TMEM132D: variants seen among roughly 807,000 people sequenced by gnomAD.
TMEM132D encodes transmembrane protein 132D.
TMEM132D carries 21 observed loss-of-function variants against 62.3 expected under a neutral mutation model. The ratio of observed to expected loss-of-function variants is 0.34; its 90% CI spans 0.24 to 0.49. TMEM132D has a LOEUF of 0.49. TMEM132D is among the 20% of genes least tolerant of loss of function. TMEM132D has a pLI of 0.99. For synonymous variants in TMEM132D, 621 were observed against 575.6 expected (o/e 1.08, Z -1.13); for missense variants, 1,346 against 1,402.8 (o/e 0.96, Z 0.65).
intron 1 of TMEM132D, among the ~76,000 whole-genome samples, chr12:129,751,462 G>A (rs1869998380): frequency 6.6e-6 from 1 of 152,148 alleles, no homozygotes; most frequent in African/African-American, 2.4e-5. Context: ...AGATTTGGGT[G>A]GGGACACACA....
intron 4 of TMEM132D, among the ~76,000 whole-genome samples, chr12:129,280,202 T>C (rs1026341906): frequency 1.3e-5 from 2 of 152,184 alleles, no homozygotes; most frequent in Non-Finnish European, 2.9e-5. Context: ...ACAGGAGAGA[T>C]AGAAACCATG....
intron 3 of TMEM132D, among the ~76,000 whole-genome samples, chr12:129,417,434 A>G (rs1476352758): frequency 6.6e-6 from 1 of 152,220 alleles, no homozygotes; most frequent in East Asian, 1.9e-4. Context: ...AATCTGACAA[A>G]AACAAGCAAT....
chr12:129,788,776 C>A (rs1164595734), intron 1 of TMEM132D, among the ~76,000 whole-genome samples: 1 of 152,122 alleles, frequency 6.6e-6, no homozygotes, highest in Admixed American at 6.5e-5. Flanking sequence ...GGAGTCAAGA[C>A]TCTTTCTGAG....
chr12:129,493,816 C>T (rs942953536), intron 3 of TMEM132D, among the ~76,000 whole-genome samples: 4 of 152,212 alleles, frequency 2.6e-5, no homozygotes, highest in African/African-American at 9.6e-5. Context: ...TTCTTCACAA[C>T]CACCCTGCTC....
At chr12:129,874,762 C>T (rs184450810) in intron 1 of TMEM132D, among the ~76,000 whole-genome samples, 6 of 136,220 alleles carry the variant, frequency 4.4e-5, no homozygotes, top group Admixed American at 3.3e-4. Flanking sequence ...AGTGCAATGG[C>T]GCAATCTCGG....
At chr12:129,134,937 G>A (rs533066562) in intron 5 of TMEM132D, among the ~76,000 whole-genome samples, 68 of 152,326 alleles carry the variant, frequency 4.5e-4, no homozygotes, top group African/African-American at 1.6e-3. Flanking sequence ...CTGGTCTAAG[G>A]TGTGCCCCAA....
intron 1 of TMEM132D, among the ~76,000 whole-genome samples, chr12:129,881,380 A>G (rs1874590807): frequency 6.6e-6 from 1 of 152,074 alleles, no homozygotes; most frequent in East Asian, 1.9e-4. Context: ...CACTCCTCAC[A>G]ACAGCACAAA....
At chr12:129,544,256 C>T (rs1020871343) in intron 2 of TMEM132D, among the ~76,000 whole-genome samples, 3 of 152,124 alleles carry the variant, frequency 2.0e-5, no homozygotes, top group African/African-American at 4.8e-5. Flanking sequence ...ATCCTTTGTC[C>T]ATTTCCCTGT....
intron 4 of TMEM132D, among the ~76,000 whole-genome samples, chr12:129,309,003 A>G (rs1041547901): frequency 2.6e-5 from 4 of 152,210 alleles, no homozygotes; most frequent in Non-Finnish European, 4.4e-5. Flanking sequence ...CAAAACGCCA[A>G]ACACCCTTGG....
chr12:129,702,954 G>A (rs1226307332), intron 1 of TMEM132D, among the ~76,000 whole-genome samples: 1 of 152,142 alleles, frequency 6.6e-6, no homozygotes, highest in Admixed American at 6.5e-5. Flanking sequence ...AGAGCTCCGT[G>A]TAATCCTGGT....
chr12:129,536,922 C>T (rs1004381122), intron 2 of TMEM132D, among the ~76,000 whole-genome samples: 4 of 151,992 alleles, frequency 2.6e-5, no homozygotes, highest in East Asian at 1.9e-4. Context: ...TGTGGGAGGC[C>T]GAGGTGGGAA....
intron 3 of TMEM132D, among the ~76,000 whole-genome samples, chr12:129,450,918 C>A (rs1229428815): frequency 4.7e-5 from 2 of 42,718 alleles, no homozygotes; most frequent in African/African-American, 1.7e-4. Context: ...ACCACACCAC[C>A]ACACCTGGCT....
chr12:129,292,549 T>A (rs144823415), intron 4 of TMEM132D, among the ~76,000 whole-genome samples: 1 of 152,324 alleles, frequency 6.6e-6, no homozygotes, highest in Non-Finnish European at 1.5e-5. Context: ...ACACTCCTCA[T>A]GAGCATCTCA....
chr12:129,283,457 G>T (rs1281587824), intron 4 of TMEM132D, among the ~76,000 whole-genome samples: 1 of 152,156 alleles, frequency 6.6e-6, no homozygotes, highest in East Asian at 1.9e-4. Context: ...CTCCCAAAGT[G>T]CTGGAATTAC....
chr12:129,794,088 CTTTTTTTTAA>C, intron 1 of TMEM132D, among the ~76,000 whole-genome samples: 1 of 128,332 alleles, frequency 7.8e-6, no homozygotes, highest in East Asian at 2.3e-4. Context: ...TTTTTTTTTT[CTTTTTTTTAA>C]TTTTTTTTGA....
chr12:129,512,330 T>C (rs1319735020), intron 3 of TMEM132D, among the ~76,000 whole-genome samples: 1 of 152,170 alleles, frequency 6.6e-6, no homozygotes, highest in African/African-American at 2.4e-5. Context: ...GAGGAACTAC[T>C]GGAGAGAGAC....
chr12:129,345,397 G>A (rs962936617), intron 3 of TMEM132D, among the ~76,000 whole-genome samples: 2 of 152,138 alleles, frequency 1.3e-5, no homozygotes, highest in Admixed American at 6.5e-5. Context: ...CCACAGCATC[G>A]ATTCCAAAGA....
At chr12:129,746,388 G>T (rs979757462) in intron 1 of TMEM132D, among the ~76,000 whole-genome samples, 2 of 152,106 alleles carry the variant, frequency 1.3e-5, no homozygotes, top group Non-Finnish European at 2.9e-5. Flanking sequence ...AGAATTGGGA[G>T]GACCAATTAG....
At chr12:129,740,163 G>A (rs537475198) in intron 1 of TMEM132D, among the ~76,000 whole-genome samples, 1 of 152,170 alleles carries the variant, frequency 6.6e-6, no homozygotes, top group African/African-American at 2.4e-5. Context: ...CCTTAACACT[G>A]ACCATATCGT....
Sources: allele counts gnomAD v4.1 joint callset (sites outside exome capture counted in the v4.1 genomes callset), GRCh38; gene constraint gnomAD v4.1.1; transcripts MANE v1.5; gene names NCBI Gene and HGNC (gene_info 2026-07-23, HGNC 2026-07-21).